GNB4: variants seen among roughly 807,000 people sequenced by gnomAD.
GNB4 encodes G protein subunit beta 4, also known as guanine nucleotide-binding protein subunit beta-4.
Under a neutral mutation model 45.2 loss-of-function variants are expected in GNB4, and 28 were observed. The ratio of observed to expected loss-of-function variants is 0.62; its 90% CI spans 0.46 to 0.85. The LOEUF (loss-of-function observed/expected upper bound fraction) is 0.85, where lower values mean the gene tolerates loss of function less well. Among genes scored for constraint, GNB4 ranks in the 40% least tolerant of loss-of-function variants. The pLI, the probability that GNB4 is intolerant of heterozygous loss-of-function variation, is 0.00. For missense variants in GNB4, 321 were observed against 425.4 expected, an observed-to-expected ratio of 0.75 and a Z score of 2.16; for synonymous variants, 132 against 143.7, an observed-to-expected ratio of 0.92 and a Z score of 0.58.
chr3:179,415,175 T>G (rs1714761317), intron 5 of GNB4, 128 bp from the exon 6 acceptor site: 2 of 630,064 alleles, frequency 3.2e-6, no homozygotes, highest in African/African-American at 1.9e-5. Flanking sequence ...AATAAAATAA[T>G]GTAATGGCTT....
At chr3:179,513,897 C>A in the GNB4 span, among the ~76,000 whole-genome samples, 2 of 151,998 alleles carry the variant, frequency 1.3e-5, no homozygotes, top group African/African-American at 4.8e-5. Context: ...CATGGATAAC[C>A]ACAAAGTTTG....
At chr3:179,426,856 G>GAC (rs1715160404) in intron 1 of GNB4, among the ~76,000 whole-genome samples, 1 of 151,902 alleles carries the variant, frequency 6.6e-6, no homozygotes, top group African/African-American at 2.4e-5. Flanking sequence ...TGCTGCCCTC[G>GAC]ACCACTCTCT....
chr3:179,507,995 A>C, the GNB4 span, among the ~76,000 whole-genome samples: 1 of 152,194 alleles, frequency 6.6e-6, no homozygotes, highest in Non-Finnish European at 1.5e-5. Flanking sequence ...ACCAATTTTG[A>C]TACTGAGAGG....
intron 8 of GNB4, among the ~76,000 whole-genome samples, chr3:179,407,484 G>C (rs1714506243): frequency 6.6e-6 from 1 of 151,998 alleles, no homozygotes. Flanking sequence ...AAATAAATAA[G>C]ATCATTCCTA....
chr3:179,444,455 TC>T (rs959551233), intron 1 of GNB4, among the ~76,000 whole-genome samples: 11 of 151,776 alleles, frequency 7.2e-5, no homozygotes, highest in African/African-American at 2.7e-4. Flanking sequence ...CTCAACCGCT[TC>T]CCTAGAGCCC....
At chr3:179,402,748 G>A (rs189234571) in intron 9 of GNB4, among the ~76,000 whole-genome samples, 3 of 152,286 alleles carry the variant, frequency 2.0e-5, no homozygotes, top group Non-Finnish European at 4.4e-5. Flanking sequence ...TCCCTACTAG[G>A]TAGAACCAGG....
the GNB4 span, among the ~76,000 whole-genome samples, chr3:179,489,046 A>ATATATATATATATAT: frequency 7.7e-5 from 3 of 38,760 alleles, no homozygotes; most frequent in Admixed American, 4.8e-4. Flanking sequence ...ATATATATAT[A>ATATATATATATATAT]ATATATATGT....
At chr3:179,484,025 C>T in the GNB4 span, among the ~76,000 whole-genome samples, 1 of 152,158 alleles carries the variant, frequency 6.6e-6, no homozygotes, top group Non-Finnish European at 1.5e-5. Context: ...TTTAGTTCAA[C>T]CTCCTCATTT....
rs113024620 is a variant in GNB4 at position 179,413,819 on chromosome 3, G to A, written c.431-38C>T. 131 of 1,453,264 alleles carry A rather than the reference G, an allele frequency of 9.0e-5. No homozygotes were observed. In the African/African-American group the frequency reaches 1.4e-3, roughly 16 times the overall value. The allele number at this position is 1,453,264 out of a possible 1,614,324, so 90.0% of individuals were successfully genotyped here. A position where few individuals can be genotyped will look rare whatever the true frequency, so the allele number is the denominator to read the frequency against. On this transcript the variant is annotated intron_variant, in intron 6 of 9. Transcript: ENST00000232564. ...GAGTAGCAAATTTTAGGTTATCACT[G>A]ATTGAATAACTCAGTTACCATGTGA...
At chr3:179,451,542 G>C (rs1402908393), upstream of GNB4, 4 of 150,108 alleles carry the variant, frequency 2.7e-5, no homozygotes, top group African/African-American at 9.7e-5. Flanking sequence ...GGCTGGAGGC[G>C]CGAGGCGCGA....
chr3:179,472,150 G>A, the GNB4 span, among the ~76,000 whole-genome samples: 3 of 151,486 alleles, frequency 2.0e-5, no homozygotes, highest in Admixed American at 6.6e-5. Context: ...TTCAAAGAGA[G>A]GTAAAGAAAA....
At chr3:179,517,106 C>T in the GNB4 span, among the ~76,000 whole-genome samples, 28 of 152,164 alleles carry the variant, frequency 1.8e-4, no homozygotes, top group African/African-American at 6.5e-4. Context: ...CATCATATTC[C>T]CCGTGACCTG....
chr3:179,446,455 G>T (rs764083792), intron 1 of GNB4, among the ~76,000 whole-genome samples: 8 of 152,202 alleles, frequency 5.3e-5, no homozygotes, highest in Non-Finnish European at 1.2e-4. Context: ...AACATTTTGG[G>T]TGTGCTCAAT....
At chr3:179,526,717 T>C in the GNB4 span, among the ~76,000 whole-genome samples, 7,042 of 152,312 alleles carry the variant, frequency 0.046, 179 homozygotes, top group South Asian at 0.078. Context: ...ATAATCTAGA[T>C]TGAGTTTTCT....
chr3:179,440,071 T>C (rs1043185156), intron 1 of GNB4, among the ~76,000 whole-genome samples: 2 of 152,244 alleles, frequency 1.3e-5, no homozygotes, highest in African/African-American at 4.8e-5. Flanking sequence ...AGTTCCTATA[T>C]AAATTGCAAT....
the GNB4 span, chr3:179,464,730 C>T: frequency 2.8e-6 from 3 of 1,075,400 alleles, no homozygotes; most frequent in South Asian, 2.5e-5. Context: ...TGTAGATGGC[C>T]TCCTTGTTCA....
chr3:179,438,578 A>G (rs1184728337), intron 1 of GNB4, among the ~76,000 whole-genome samples: 2 of 152,344 alleles, frequency 1.3e-5, no homozygotes, highest in East Asian at 1.9e-4. Context: ...ACAGTGCTCT[A>G]AACAAAAATG....
the GNB4 span, among the ~76,000 whole-genome samples, chr3:179,505,064 GT>G: frequency 1.3e-5 from 2 of 152,144 alleles, no homozygotes; most frequent in African/African-American, 4.8e-5. Flanking sequence ...TTCAACCTAG[GT>G]CCCAAAGTCA....
intron 1 of GNB4, among the ~76,000 whole-genome samples, chr3:179,435,764 G>A (rs1420935499): frequency 6.6e-6 from 1 of 152,176 alleles, no homozygotes; most frequent in Admixed American, 6.5e-5. Context: ...TGAGCAGAAA[G>A]CAGCATATGA....
Sources: gnomAD v4.1 joint callset for allele counts (sites outside exome capture counted in the v4.1 genomes callset) on GRCh38, gnomAD v4.1.1 for gene constraint, MANE v1.5 for transcripts, NCBI Gene and HGNC (gene_info 2026-07-23, HGNC 2026-07-21) for gene names.